KIN: variants seen among roughly 807,000 people sequenced by gnomAD.
KIN encodes the protein DNA/RNA-binding protein KIN17.
Under a neutral mutation model 63.0 loss-of-function variants are expected in KIN, and 47 were observed. The observed-to-expected ratio is 0.75, with a 90% CI of 0.59 to 0.95. KIN has a LOEUF of 0.95. KIN is among the 40% of genes least tolerant of loss of function. The pLI, the probability that KIN is intolerant of heterozygous loss-of-function variation, is 0.00. For synonymous variants in KIN, 160 were observed against 157.7 expected, an observed-to-expected ratio of 1.01 and a Z score of -0.11; for missense variants, 408 against 460.9, an observed-to-expected ratio of 0.89 and a Z score of 1.05.
chr10:7,775,389 G>C (rs1835749592), intron 6 of KIN, among the ~76,000 whole-genome samples: 1 of 152,144 alleles, frequency 6.6e-6, no homozygotes, highest in Non-Finnish European at 1.5e-5. Context: ...GATTCTAGAA[G>C]AGCATCCAGA....
rs990319510 is a variant in KIN, at chr10:7,755,234, A to C, written c.*846T>G. The C allele has an allele frequency of 6.6e-6, 1 of 152,246 alleles. No individual in the cohort carries two copies. Among genetic ancestry groups the C allele is most frequent in the Non-Finnish European group, 1.5e-5 (1 of 68,056 alleles). 9.4% of individuals were successfully genotyped at this position (152,246 alleles called of 1,614,324 possible). ...TTATTCACAATAGCCAAAAAGTAGA[A>C]ACAATCTAAATGTTTATCAGCTGAT... On this transcript the variant is annotated 3_prime_UTR_variant, in exon 13 of 13. Transcript: ENST00000379562.
chr10:7,757,373 C>A (rs1434461194), intron 12 of KIN, among the ~76,000 whole-genome samples: 1 of 151,992 alleles, frequency 6.6e-6, no homozygotes, highest in Non-Finnish European at 1.5e-5. Context: ...GTGGCACACA[C>A]CTGTAATCCC....
chr10:7,752,284 A>G lies in KIN; in HGVS notation c.*3796T>C, dbSNP rs925466647. On this transcript the variant is annotated 3_prime_UTR_variant, in exon 13 of 13. Coordinates refer to ENST00000379562, the MANE Select transcript of KIN (RefSeq NM_012311.4). ...CAAAAAACCTGAAAGACATCTCACC[A>G]GAGAAGATATACAGGTGGCAAATAA... The G allele has an allele frequency of 4.6e-5, 7 of 152,262 alleles. No individual in the cohort carries two copies. The highest frequency in any genetic ancestry group is 1.7e-4 in the African/African-American group (7 of 41,472). The allele number at this position is 152,262 out of a possible 1,614,324, so 9.4% of individuals were successfully genotyped here. A position where few individuals can be genotyped will look rare whatever the true frequency, so the allele number is the denominator to read the frequency against.
intron 9 of KIN, among the ~76,000 whole-genome samples, chr10:7,765,215 C>A (rs1231730910): frequency 6.7e-6 from 1 of 150,146 alleles, no homozygotes; most frequent in Admixed American, 6.6e-5. Flanking sequence ...AATCCTAACA[C>A]CCTGGGAAGT....
In KIN at chr10:7,759,918, G is replaced by T. The variant is rs190127771; in HGVS notation, c.1091C>A (p.Thr364Asn). 1.3e-6 allele frequency: 2 copies of T among 1,564,196 alleles called. No individual in the cohort carries two copies. The change falls in exon 12 of 13, where the codon ACT becomes AAT. Residue 364 changes from threonine (T) to asparagine (N), a missense_variant. Physicochemically the swap from Thr to Asn is moderately conservative, Grantham distance 65 (BLOSUM62 0). Around this residue, in one of 2 missense-constraint regions of KIN, gnomAD observed 298 missense variants for 296.0 expected, o/e 1.01. Coordinates refer to ENST00000379562, the MANE Select transcript of KIN (RefSeq NM_012311.4). ...TTCAATGACGATAGTAGCTGAAAAAGTCTTCTCATTGATGGATTCTAGGGT... is the reference window on the plus strand; with the variant it reads ...TTCAATGACGATAGTAGCTGAAAAATTCTTCTCATTGATGGATTCTAGGGT... ...EGTLESINEK[T>N]FSATIVIETG...
chr10:7,785,798 G>A (rs1486959357), intron 1 of KIN, among the ~76,000 whole-genome samples: 2 of 144,690 alleles, frequency 1.4e-5, no homozygotes, highest in Non-Finnish European at 3.1e-5. Flanking sequence ...TGTGAGACAG[G>A]TGAGACTCTG....
chr10:7,753,167 C>G lies in KIN; in HGVS notation c.*2913G>C, dbSNP rs964569657. The G allele has an allele frequency of 1.1e-4, 16 of 152,224 alleles. No homozygotes were observed. The highest frequency in any genetic ancestry group is 3.9e-4 in the African/African-American group (16 of 41,464). The allele number at this position is 152,224 out of a possible 1,614,324, so 9.4% of individuals were successfully genotyped here. On this transcript the variant is annotated 3_prime_UTR_variant, in exon 13 of 13. Transcript: ENST00000379562. The stretch of plus-strand genomic sequence containing the variant: ...TTAGCATAAACTCTATCAAGTTCTA[C>G]AGACTCAGAGGGAAAAAACTACTGT...
intron 5 of KIN, among the ~76,000 whole-genome samples, chr10:7,777,902 CCCAA>C (rs1835813052): frequency 1.6e-5 from 2 of 123,554 alleles, no homozygotes; most frequent in Admixed American, 7.9e-5. Flanking sequence ...CCGTCCCCCC[CCCAA>C]AAAAAAAAAA....
rs536722872 is a variant in KIN at position 7,774,854 on chromosome 10, G to A, written c.645C>T (p.Ser215=). ...FNLSKGACSS[S]GATSSKSSTL... The stretch of plus-strand genomic sequence containing the variant: ...ACCTTGACTTGGAAGATGTTGCTCC[G>A]GATGAGCTACATGCTCCTTTACTCA... Residue 215 remains serine, a synonymous_variant, in exon 7 of 13, where the codon TCC becomes TCT. Coordinates refer to ENST00000379562, the MANE Select transcript of KIN (RefSeq NM_012311.4). The A allele has an allele frequency of 1.4e-5, 22 of 1,613,170 alleles. No individual in the cohort carries two copies. Among genetic ancestry groups the A allele is most frequent in the African/African-American group, 1.3e-4 (10 of 74,982 alleles).
intron 11 of KIN, chr10:7,761,124 T>C (rs1041587886): frequency 6.6e-6 from 1 of 152,224 alleles, no homozygotes; most frequent in Admixed American, 6.5e-5. Flanking sequence ...TGAGAGGATC[T>C]ATTCATCAGC....
intron 2 of KIN, among the ~76,000 whole-genome samples, chr10:7,782,696 T>G (rs1835922288): frequency 1.3e-5 from 2 of 152,118 alleles, no homozygotes; most frequent in South Asian, 4.1e-4. Context: ...CTCGCCTGGC[T>G]TCTTAGTGCC....
rs1564313128 is a variant in KIN at position 7,757,526 on chromosome 10, T to TAAAATA, written c.1120-1385_1120-1384insTATTTT. On this transcript the variant is annotated intron_variant, in intron 12 of 12. Coordinates refer to ENST00000379562, the MANE Select transcript of KIN (RefSeq NM_012311.4). Reference sequence around the variant, plus strand: ...AATAAATAATAAAATAAAATAAAATTAAATTAAATAAAATTAAAATTAAAT... The same window carrying TAAAATA: ...AATAAATAATAAAATAAAATAAAATTAAAATAAAATTAAATAAAATTAAAATTAAAT... Among the ~76,000 whole-genome samples the TAAAATA allele has an allele frequency of 2.0e-5, 3 of 150,760 alleles. No homozygotes were observed. In the East Asian group the frequency reaches 5.9e-4, roughly 29 times the overall value.
chr10:7,772,297 T>G (rs1835682385), intron 7 of KIN, among the ~76,000 whole-genome samples: 1 of 152,170 alleles, frequency 6.6e-6, no homozygotes. Flanking sequence ...GGTGAGAGAC[T>G]GAGACAGGGG....
chr10:7,769,056 G>T (rs1290811326), intron 8 of KIN, among the ~76,000 whole-genome samples, 160 bp downstream of exon 8: 1 of 151,982 alleles, frequency 6.6e-6, no homozygotes, highest in Non-Finnish European at 1.5e-5. Context: ...ACCTATTTAG[G>T]GGGGCTCCAA....
At chr10:7,769,143 A>T in intron 8 of KIN, 73 bp downstream of exon 8, 1 of 1,377,280 alleles carries the variant, frequency 7.3e-7, no homozygotes, top group Non-Finnish European at 9.9e-7. Context: ...ATTTTCTATT[A>T]ATCTAATAAA....
chr10:7,778,636 G>A (rs1835830068), intron 5 of KIN, among the ~76,000 whole-genome samples: 1 of 152,190 alleles, frequency 6.6e-6, no homozygotes, highest in Admixed American at 6.5e-5. Context: ...GTACTCAGGA[G>A]GCTGAGGCAG....
Position 7,755,988 on chromosome 10 carries a change from A to G in KIN, c.*92T>C. 2 of 671,862 alleles carry G rather than the reference A, an allele frequency of 3.0e-6. No individual in the cohort carries two copies. The highest frequency in any genetic ancestry group is 2.8e-5 in the East Asian group (1 of 36,254). The allele number at this position is 671,862 out of a possible 1,614,324, so 41.6% of individuals were successfully genotyped here. ...AAACCTGTTTGTTTTATACAAAAGAATATACCCTAACACAGTAGAGTCTCA... is the reference window on the plus strand; with the variant it reads ...AAACCTGTTTGTTTTATACAAAAGAGTATACCCTAACACAGTAGAGTCTCA... On this transcript the variant is annotated 3_prime_UTR_variant, in exon 13 of 13. Coordinates refer to ENST00000379562, the MANE Select transcript of KIN (RefSeq NM_012311.4).
At chr10:7,773,084 T>G (rs544753458) in intron 7 of KIN, among the ~76,000 whole-genome samples, 65 of 152,318 alleles carry the variant, frequency 4.3e-4, no homozygotes, top group Non-Finnish European at 4.1e-4. Context: ...GATGCTCGTC[T>G]TAAATACTGG....
intron 1 of KIN, among the ~76,000 whole-genome samples, chr10:7,785,705 T>C (rs1238924469): frequency 1.3e-5 from 2 of 151,810 alleles, no homozygotes; most frequent in Non-Finnish European, 2.9e-5. Flanking sequence ...GGACAGCTAC[T>C]TGGGAGGCTG....
Sources: allele counts gnomAD v4.1 joint callset (sites outside exome capture counted in the v4.1 genomes callset), GRCh38; gene constraint gnomAD v4.1.1; regional missense constraint gnomAD v4.1.1; transcripts MANE v1.5; gene names NCBI Gene and HGNC (gene_info 2026-07-23, HGNC 2026-07-21).